The following LDLRAD4 variants were observed in gnomAD, a reference collection of about 807,000 sequenced individuals.
LDLRAD4 encodes low-density lipoprotein receptor class A domain-containing protein 4.
Under a neutral mutation model 17.0 loss-of-function variants are expected in LDLRAD4, and 5 were observed. The ratio of observed to expected loss-of-function variants is 0.29; its 90% CI spans 0.15 to 0.62. LDLRAD4 has a LOEUF of 0.62. Among genes scored for constraint, LDLRAD4 ranks in the 20% least tolerant of loss-of-function variants. The pLI is 0.84. For missense variants in LDLRAD4, 340 were observed against 424.7 expected (o/e 0.80, Z 1.75); for synonymous variants, 168 against 171.8 (o/e 0.98, Z 0.17).
chr18:13,265,238 G>A (rs778619060), intron 1 of LDLRAD4, among the ~76,000 whole-genome samples: 6 of 151,992 alleles, frequency 3.9e-5, no homozygotes, highest in South Asian at 4.2e-4. Flanking sequence ...CCTTCCCTGC[G>A]CCTTCCAAAC....
exon 6 of LDLRAD4, chr18:13,647,774 G>A (rs1412458020): frequency 6.6e-6 from 1 of 152,294 alleles, no homozygotes; most frequent in African/African-American, 2.4e-5. Flanking sequence ...TACAACCTGT[G>A]TGGAAGTATA....
intron 1 of LDLRAD4, among the ~76,000 whole-genome samples, chr18:13,239,129 G>A (rs1356447558): frequency 6.7e-6 from 1 of 150,046 alleles, no homozygotes; most frequent in Non-Finnish European, 1.5e-5. Context: ...AGAGGTTGCA[G>A]TGAGCTGAGA....
chr18:13,286,603 C>T (rs1026611211), intron 1 of LDLRAD4, among the ~76,000 whole-genome samples: 18 of 152,304 alleles, frequency 1.2e-4, no homozygotes, highest in Admixed American at 1.2e-3. Flanking sequence ...GACCTCCTGG[C>T]GCCATGAGGT....
rs919917043 is a variant in LDLRAD4, at chr18:13,586,092, G to T, written c.182-35025G>T. 6.6e-5 allele frequency among the ~76,000 whole-genome samples: 10 copies of T among 152,050 alleles called. No individual in the cohort carries two copies. The East Asian group carries it at 9.6e-4, about 15-fold the overall frequency. On this transcript the variant is annotated intron_variant, in intron 3 of 5. Transcript: ENST00000359446. Reference sequence around the variant, plus strand: ...AGGCTAAAATTACTGCAACCTAGATGTTGAAAAAATACCTAGTAAAGAATA... The same window carrying T: ...AGGCTAAAATTACTGCAACCTAGATTTTGAAAAAATACCTAGTAAAGAATA...
At chr18:13,540,714 G>T (rs1149360) in intron 3 of LDLRAD4, among the ~76,000 whole-genome samples, 70,793 of 152,126 alleles carry the variant, frequency 0.47, 17,542 homozygotes, top group East Asian at 0.85. Context: ...CAGTAGGAAA[G>T]GTAATTTGAG....
intron 1 of LDLRAD4, among the ~76,000 whole-genome samples, chr18:13,225,890 A>G (rs185864427): frequency 2.6e-4 from 39 of 152,268 alleles, no homozygotes; most frequent in Admixed American, 2.2e-3. Context: ...ATAATATTCT[A>G]TTCTATGGTT....
intron 3 of LDLRAD4, among the ~76,000 whole-genome samples, chr18:13,593,532 T>C (rs2095054035): frequency 6.6e-6 from 1 of 152,178 alleles, no homozygotes; most frequent in South Asian, 2.1e-4. Context: ...GCCTATTTTC[T>C]ATTTTGTTTA....
chr18:13,226,561 C>A (rs2041816551), intron 1 of LDLRAD4, among the ~76,000 whole-genome samples: 1 of 151,932 alleles, frequency 6.6e-6, no homozygotes, highest in African/African-American at 2.4e-5. Context: ...TCTTTCCTAT[C>A]TTTTTATTTT....
At chr18:13,342,885 C>G (rs1193129871) in intron 1 of LDLRAD4, among the ~76,000 whole-genome samples, 1 of 151,798 alleles carries the variant, frequency 6.6e-6, no homozygotes, top group Non-Finnish European at 1.5e-5. Flanking sequence ...TTGTGGTCAT[C>G]AAGTTAGTTG....
intron 1 of LDLRAD4, among the ~76,000 whole-genome samples, chr18:13,372,846 C>T (rs1361518394): frequency 1.3e-5 from 2 of 152,228 alleles, no homozygotes; most frequent in African/African-American, 4.8e-5. Context: ...GGCTGCGTCC[C>T]TGTCTTCTCG....
At chr18:13,383,040 T>C (rs943230133) in intron 1 of LDLRAD4, among the ~76,000 whole-genome samples, 3 of 152,168 alleles carry the variant, frequency 2.0e-5, no homozygotes, top group African/African-American at 7.2e-5. Flanking sequence ...TCAACTCTTC[T>C]AGTGGGGTGG....
intron 1 of LDLRAD4, among the ~76,000 whole-genome samples, chr18:13,309,187 T>C (rs1450514103): frequency 2.0e-5 from 3 of 152,234 alleles, no homozygotes; most frequent in African/African-American, 7.2e-5. Context: ...CCGGCCCCAC[T>C]TGCCCTGCAC....
At chr18:13,354,113 T>C (rs2083200721) in intron 1 of LDLRAD4, among the ~76,000 whole-genome samples, 1 of 152,028 alleles carries the variant, frequency 6.6e-6, no homozygotes, top group Non-Finnish European at 1.5e-5. Context: ...GGAAGTTGAG[T>C]TGGGATGATC....
intron 3 of LDLRAD4, among the ~76,000 whole-genome samples, chr18:13,505,928 C>T (rs374044382): frequency 2.6e-5 from 4 of 152,342 alleles, no homozygotes; most frequent in East Asian, 1.9e-4. Context: ...CACCTCCTCT[C>T]ATCCTGTCAC....
intron 3 of LDLRAD4, among the ~76,000 whole-genome samples, chr18:13,574,830 AAAAT>A (rs2094745640): frequency 6.6e-6 from 1 of 152,232 alleles, no homozygotes; most frequent in African/African-American, 2.4e-5. Context: ...AGCCAAAAGG[AAAAT>A]AAATCAGAGC....
Position 13,590,350 on chromosome 18 carries a change from TGC to T in LDLRAD4, c.182-30765_182-30764del, listed in dbSNP as rs1351921773. ...TATGTGGGGGGTAAGTGTGTGTGTG[TGC>T]GTGTGCGTGTATGTGCACGTGTTGT... On this transcript the variant is annotated intron_variant, in intron 3 of 5. Coordinates refer to ENST00000359446, the Ensembl canonical transcript of LDLRAD4. 8.8e-5 allele frequency among the ~76,000 whole-genome samples: 13 copies of T among 148,098 alleles called. No individual in the cohort carries two copies. In the East Asian group the frequency reaches 2.6e-3, roughly 30 times the overall value.
chr18:13,609,524 TGTGTGC>T (rs1254025495), intron 3 of LDLRAD4, among the ~76,000 whole-genome samples: 4 of 69,356 alleles, frequency 5.8e-5, no homozygotes, highest in African/African-American at 1.9e-4. Context: ...TATGCGTGTG[TGTGTGC>T]GTGTGTGTGT....
intron 1 of LDLRAD4, among the ~76,000 whole-genome samples, chr18:13,304,179 C>T (rs2046775668): frequency 1.3e-5 from 2 of 152,342 alleles, no homozygotes; most frequent in Admixed American, 1.3e-4. Flanking sequence ...ACACTCAGGG[C>T]TCATCTTGGT....
intron 2 of LDLRAD4, among the ~76,000 whole-genome samples, chr18:13,404,836 A>G (rs1446225650): frequency 6.6e-6 from 1 of 152,118 alleles, no homozygotes; most frequent in Non-Finnish European, 1.5e-5. Flanking sequence ...CTTAAAAAGT[A>G]ACTGTACAAA....
Sources: gnomAD v4.1 joint callset for allele counts (sites outside exome capture counted in the v4.1 genomes callset) on GRCh38, gnomAD v4.1.1 for gene constraint, MANE v1.5 for transcripts, NCBI Gene and HGNC (gene_info 2026-07-23, HGNC 2026-07-21) for gene names.